Variants in TUBGCP2 observed in about 807,000 individuals in gnomAD.
TUBGCP2 encodes gamma-tubulin complex component 2.
In TUBGCP2, 55 loss-of-function variants were observed where a neutral mutation model predicts 92.2. That is an observed-to-expected ratio of 0.60 (90% CI 0.48 to 0.75). The LOEUF (loss-of-function observed/expected upper bound fraction) is 0.75, where lower values mean the gene tolerates loss of function less well. TUBGCP2 is among the 30% of genes least tolerant of loss of function. TUBGCP2 has a pLI of 0.00. For synonymous variants in TUBGCP2, 533 were observed against 505.2 expected (o/e 1.06, Z -0.74); for missense variants, 1,093 against 1,188.9 (o/e 0.92, Z 1.19).
At chr10:133,296,828 C>T (rs1847499404) in intron 5 of TUBGCP2, among the ~76,000 whole-genome samples, 2 of 152,200 alleles carry the variant, frequency 1.3e-5, no homozygotes, top group Non-Finnish European at 2.9e-5. Context: ...GTTTTCTATA[C>T]TTCTCATAAC....
chr10:133,282,264 C>T lies in TUBGCP2; in HGVS notation c.2368G>A (p.Ala790Thr), dbSNP rs528774527. The T allele has an allele frequency of 7.2e-5, 116 of 1,611,268 alleles. 3 individuals are homozygous for T. The South Asian group carries it at 1.1e-3, about 15-fold the overall frequency. Residue 790 changes from alanine to threonine, a missense_variant, in exon 16 of 18, where the codon GCA (alanine) becomes ACA (threonine). This residue lies in a region of TUBGCP2 where 598 missense variants were observed against 675.5 expected (regional missense o/e 0.89). Coordinates refer to ENST00000252936, the MANE Select transcript of TUBGCP2 (RefSeq NM_006659.4). ...LEHSTVLGLPAGAEERARKEL... is the reference protein window; with the variant it reads ...LEHSTVLGLPTGAEERARKEL... ...TTCCGGGCCCGCTCCTCGGCCCCTG[C>T]GGGCAGCCCCAGGACGGTGCTGTGC...
chr10:133,310,976 A>G (rs1847978504), upstream of TUBGCP2, among the ~76,000 whole-genome samples: 1 of 151,750 alleles, frequency 6.6e-6, no homozygotes, highest in Non-Finnish European at 1.5e-5. Flanking sequence ...AAAATTTTCT[A>G]TTTTTTGTAG....
Position 133,288,291 on chromosome 10 carries a change from G to A in TUBGCP2, c.1560C>T (p.Phe520=), listed in dbSNP as rs1210271254. The A allele has an allele frequency of 3.1e-6, 5 of 1,613,482 alleles. No individual in the cohort carries two copies. The highest frequency in any genetic ancestry group is 3.4e-6 in the Non-Finnish European group (4 of 1,179,936). Residue 520 remains phenylalanine (F), a synonymous_variant, in exon 11 of 18, where the codon TTC becomes TTT. Coordinates refer to ENST00000252936, the MANE Select transcript of TUBGCP2 (RefSeq NM_006659.4). ...CGAAGAAGTCGCCCTGGTCCATGAG[G>A]AAGTAGCGCTTGATGGACCTGCGCC... ...VAHLRSIKRY[F]LMDQGDFFVH... is the part of the protein sequence containing the mutation.
At chr10:133,295,003 A>G (rs1589831478) in intron 5 of TUBGCP2, among the ~76,000 whole-genome samples, 1 of 152,168 alleles carries the variant, frequency 6.6e-6, no homozygotes, top group South Asian at 2.1e-4. Flanking sequence ...CTGACTCTGC[A>G]TCACTTACTT....
chr10:133,310,301 C>T (rs1181971129), upstream of TUBGCP2: 2 of 1,613,722 alleles, frequency 1.2e-6, no homozygotes, highest in Non-Finnish European at 1.7e-6. Context: ...AGGGAGCCGC[C>T]AGGCTCAGCA....
chr10:133,282,822 C>T (rs535776905), intron 15 of TUBGCP2, among the ~76,000 whole-genome samples: 2 of 152,320 alleles, frequency 1.3e-5, no homozygotes, highest in East Asian at 1.9e-4. Flanking sequence ...GCAAAGGCCC[C>T]GGACAGAGAC....
intron 2 of TUBGCP2, 89 bp downstream of exon 2, chr10:133,302,703 C>T (rs1393871039): frequency 8.9e-6 from 14 of 1,564,836 alleles, no homozygotes; most frequent in Non-Finnish European, 1.2e-5. Flanking sequence ...TCACCCTGCA[C>T]CCTGACCCAG....
At chr10:133,309,943 C>T (rs771765535), upstream of TUBGCP2, 3 of 1,613,288 alleles carry the variant, frequency 1.9e-6, no homozygotes, top group African/African-American at 1.3e-5. Flanking sequence ...TGGCACGATT[C>T]GCTCTTCCAG....
At chr10:133,289,765 G>A in intron 9 of TUBGCP2, 59 bp downstream of exon 9, 1 of 230,732 alleles carries the variant, frequency 4.3e-6, no homozygotes, top group Non-Finnish European at 5.7e-6. Context: ...CTGGGCTGCA[G>A]GAGACTCTCC....
upstream of TUBGCP2, chr10:133,308,937 C>A: frequency 3.3e-6 from 4 of 1,224,328 alleles, no homozygotes; most frequent in Non-Finnish European, 4.1e-6. Context: ...CGCCCGCGCC[C>A]GGGGTGATGC....
At chr10:133,305,138 T>C (rs1207077909) in intron 1 of TUBGCP2, among the ~76,000 whole-genome samples, 3 of 152,216 alleles carry the variant, frequency 2.0e-5, no homozygotes, top group Non-Finnish European at 4.4e-5. Flanking sequence ...CCTGTGATGC[T>C]GTGCTTCAGC....
In TUBGCP2 at chr10:133,292,677, C is replaced by T. The variant is rs368785559; in HGVS notation, c.1036G>A (p.Asp346Asn). 6 of 1,613,110 alleles carry T rather than the reference C, an allele frequency of 3.7e-6. No individual in the cohort carries two copies. Among genetic ancestry groups the T allele is most frequent in the Non-Finnish European group, 4.2e-6 (5 of 1,179,580 alleles). Residue 346 changes from aspartate to asparagine, a missense_variant, in exon 8 of 18, where the codon GAC becomes AAC. Physicochemically the swap from Asp to Asn is conservative, Grantham distance 23. Transcript: ENST00000252936. ...DILASLATSV[D>N]KGECLGGSTL... ...GACCCCCCAAGACATTCGCCTTTGT[C>T]CACCGAGGTGGCTGTGGGGAGAAAG...
At chr10:133,290,105 G>A in intron 8 of TUBGCP2, 136 bp from the exon 9 acceptor site, 1 of 1,248,068 alleles carries the variant, frequency 8.0e-7, no homozygotes, top group South Asian at 1.4e-5. Flanking sequence ...CAAGGGCCGA[G>A]CCTAATCTAC....
chr10:133,280,010 G>A (rs1383297160), intron 17 of TUBGCP2, 109 bp from the exon 18 acceptor site: 9 of 1,486,720 alleles, frequency 6.1e-6, no homozygotes, highest in Non-Finnish European at 8.1e-6. Flanking sequence ...CCTTCTGCGG[G>A]TGCGTGCTGG....
intron 15 of TUBGCP2, 74 bp from the exon 16 acceptor site, chr10:133,282,416 G>A: frequency 1.3e-6 from 2 of 1,506,742 alleles, no homozygotes; most frequent in Non-Finnish European, 8.9e-7. Flanking sequence ...AACAAGTCCT[G>A]CAGGCACGTC....
upstream of TUBGCP2, chr10:133,308,934 G>C: frequency 1.6e-6 from 2 of 1,221,582 alleles, no homozygotes; most frequent in Non-Finnish European, 1.0e-6. Flanking sequence ...GCCCGCCCGC[G>C]CCCGGGGTGA....
At chr10:133,309,422 G>C (rs778458681), upstream of TUBGCP2, 18 of 1,612,536 alleles carry the variant, frequency 1.1e-5, no homozygotes, top group Non-Finnish European at 1.5e-5. Context: ...TCTACCTCCA[G>C]GACGTGATCA....
Position 133,302,828 on chromosome 10 carries a change from C to T in TUBGCP2, c.114G>A (p.Pro38=), listed in dbSNP as rs772552524. The T allele has an allele frequency of 3.6e-5, 58 of 1,613,206 alleles. No homozygotes were observed. Among genetic ancestry groups the T allele is most frequent in the Admixed American group, 2.3e-4 (14 of 60,000 alleles). Residue 38 remains proline (P), a synonymous_variant, in exon 2 of 18, where the codon CCG becomes CCA. Transcript: ENST00000252936. ...GAGCAGAGACAGTGGTAGTGACGTA[C>T]GGGGTCCTGTTCTTTTGAAGCAGGT... The part of the protein sequence containing the change: ...YIDLLQKNRT[P]YVTTTVSAHS...
At chr10:133,292,768 A>G (rs1847389967) in intron 7 of TUBGCP2, 80 bp from the exon 8 acceptor site, 2 of 1,484,942 alleles carry the variant, frequency 1.3e-6, no homozygotes, top group Non-Finnish European at 9.1e-7. Context: ...GGGGCCCCTC[A>G]TGCTTCTCCA....
Sources: allele counts gnomAD v4.1 joint callset (sites outside exome capture counted in the v4.1 genomes callset), GRCh38; gene constraint gnomAD v4.1.1; regional missense constraint gnomAD v4.1.1; transcripts MANE v1.5; gene names NCBI Gene and HGNC (gene_info 2026-07-23, HGNC 2026-07-21).